The following TTL variants were observed in gnomAD, a reference collection of about 807,000 sequenced individuals.
TTL encodes the protein tubulin--tyrosine ligase.
TTL carries 10 observed loss-of-function variants against 41.1 expected under a neutral mutation model. That is an observed-to-expected ratio of 0.24 (90% confidence interval 0.15 to 0.41). The LOEUF is 0.41. Among genes scored for constraint, TTL ranks in the 10% least tolerant of loss-of-function variants. TTL has a pLI of 1.00. For missense variants in TTL, 367 were observed against 460.4 expected, an observed-to-expected ratio of 0.80 and a Z score of 1.86; for synonymous variants, 175 against 175.5, an observed-to-expected ratio of 1.00 and a Z score of 0.02.
intron 1 of TTL, 92 bp from the exon 2 acceptor site, chr2:112,485,825 A>G: frequency 8.5e-7 from 1 of 1,171,284 alleles, no homozygotes; most frequent in Non-Finnish European, 1.2e-6. Context: ...CAATCCTGAG[A>G]TGAGAGAGAG....
At chr2:112,516,256 A>G (rs62157526) in intron 5 of TTL, among the ~76,000 whole-genome samples, 25,238 of 152,022 alleles carry the variant, frequency 0.17, 2,356 homozygotes, top group East Asian at 0.3. Context: ...TTTATCTCTT[A>G]TATTTTAGAA....
chr2:112,527,623 T>A (rs1470702583), intron 6 of TTL, among the ~76,000 whole-genome samples: 1 of 152,210 alleles, frequency 6.6e-6, no homozygotes, highest in Non-Finnish European at 1.5e-5. Flanking sequence ...TATCAGAGAC[T>A]AGGATTGCAA....
rs76538742 is a variant in TTL, at chr2:112,533,153, A to T, written c.*4358A>T. The stretch of plus-strand genomic sequence containing the variant: ...CTTCTGTGGCTGCTTCCACTTCATA[A>T]ATATACCTCTGGCACAGAGGAGGTT... On this transcript the variant is annotated 3_prime_UTR_variant, in exon 7 of 7. Coordinates refer to ENST00000233336, the MANE Select transcript of TTL (RefSeq NM_153712.5). 6.6e-6 allele frequency: 1 copy of T among 152,146 alleles called. No individual in the cohort carries two copies. The highest frequency in any genetic ancestry group is 2.1e-4 in the South Asian group (1 of 4,828). 9.4% of individuals were successfully genotyped at this position (152,146 alleles called of 1,614,324 possible).
chr2:112,515,099 C>T (rs926210513), intron 5 of TTL, among the ~76,000 whole-genome samples: 4 of 152,010 alleles, frequency 2.6e-5, no homozygotes, highest in Non-Finnish European at 2.9e-5. Context: ...TTATAGTTGT[C>T]TTATGAAATT....
At chr2:112,496,476 C>A (rs1319526149) in intron 3 of TTL, among the ~76,000 whole-genome samples, 4 of 152,086 alleles carry the variant, frequency 2.6e-5, no homozygotes, top group African/African-American at 9.7e-5. Context: ...TGTCCACTGC[C>A]TATTTCTAAT....
chr2:112,533,641 T>C lies in TTL; in HGVS notation c.*4846T>C, dbSNP rs1485862890. On this transcript the variant is annotated 3_prime_UTR_variant, in exon 7 of 7. Transcript: ENST00000233336. Reference sequence around the variant, plus strand: ...ATCACATGGCAAGAGAGGAATGGAGTCTAACTCACCCTTTAACTAGCAACC... The same window carrying C: ...ATCACATGGCAAGAGAGGAATGGAGCCTAACTCACCCTTTAACTAGCAACC... The C allele has an allele frequency of 6.6e-6, 1 of 151,966 alleles. No homozygotes were observed. The highest frequency in any genetic ancestry group is 6.6e-5 in the Admixed American group (1 of 15,248). The allele number at this position is 151,966 out of a possible 1,614,324, so 9.4% of individuals were successfully genotyped here.
At chr2:112,512,084 A>ATTG (rs1388178155) in intron 5 of TTL, among the ~76,000 whole-genome samples, 1 of 151,206 alleles carries the variant, frequency 6.6e-6, no homozygotes, top group African/African-American at 2.4e-5. Context: ...ATTTGTATTT[A>ATTG]TTGTTATTAT....
chr2:112,525,399 A>G (rs997865535), intron 6 of TTL, among the ~76,000 whole-genome samples: 9 of 152,282 alleles, frequency 5.9e-5, no homozygotes, highest in African/African-American at 1.7e-4. Context: ...CCATTTTCAC[A>G]ACATTGATTC....
chr2:112,486,892 A>G (rs1299960491), intron 2 of TTL, among the ~76,000 whole-genome samples: 1 of 152,148 alleles, frequency 6.6e-6, no homozygotes, highest in Admixed American at 6.5e-5. Flanking sequence ...ATAACTACCT[A>G]AGGTTGTTAT....
chr2:112,520,887 C>T (rs1181588756), intron 6 of TTL, among the ~76,000 whole-genome samples: 1 of 152,162 alleles, frequency 6.6e-6, no homozygotes, highest in Non-Finnish European at 1.5e-5. Context: ...CACTGCATTG[C>T]AGCCTGGGCG....
rs1029068712 is a variant in TTL, at chr2:112,537,997, G to T, written c.*9202G>T. ...AAAACAAGTCTCAGTAAATTTAAAA[G>T]AATTGAAATTATACTACATATGTTC... On this transcript the variant is annotated 3_prime_UTR_variant, in exon 7 of 7. Transcript: ENST00000233336. The T allele has an allele frequency of 2.0e-5, 3 of 152,148 alleles. No homozygotes were observed. Among genetic ancestry groups the T allele is most frequent in the African/African-American group, 7.2e-5 (3 of 41,434 alleles). The allele number at this position is 152,148 out of a possible 1,614,324, so 9.4% of individuals were successfully genotyped here. A position where few individuals can be genotyped will look rare whatever the true frequency, so the allele number is the denominator to read the frequency against.
chr2:112,531,703 T>C lies in TTL; in HGVS notation c.*2908T>C. On this transcript the variant is annotated 3_prime_UTR_variant, in exon 7 of 7. Coordinates refer to ENST00000233336, the MANE Select transcript of TTL (RefSeq NM_153712.5). ...CTTATGACTTAAAAAAAAAAATTCT[T>C]TTTGGAAACACAAGCATTTCTTTAA... 4.5e-6 allele frequency: 1 copy of C among 223,492 alleles called. No homozygotes were observed. The highest frequency in any genetic ancestry group is 8.9e-6 in the Non-Finnish European group (1 of 111,976). 13.8% of individuals were successfully genotyped at this position (223,492 alleles called of 1,614,324 possible).
chr2:112,495,598 A>G (rs968745336), intron 3 of TTL, among the ~76,000 whole-genome samples: 1 of 152,208 alleles, frequency 6.6e-6, no homozygotes, highest in Admixed American at 6.5e-5. Flanking sequence ...CTGTAACCCC[A>G]TCGCTTTGGG....
chr2:112,535,876 C>G lies in TTL; in HGVS notation c.*7081C>G, dbSNP rs2104486347. The stretch of plus-strand genomic sequence containing the variant: ...TTGGAGTCTAGTGGTGTAATGATAG[C>G]TCACTGCAGCCTCAAACTTCTGGTT... On this transcript the variant is annotated 3_prime_UTR_variant, in exon 7 of 7. Coordinates refer to ENST00000233336, the MANE Select transcript of TTL (RefSeq NM_153712.5). 6.6e-6 allele frequency: 1 copy of G among 152,236 alleles called. No homozygotes were observed. Among genetic ancestry groups the G allele is most frequent in the Middle Eastern group, 3.4e-3 (1 of 294 alleles). The allele number at this position is 152,236 out of a possible 1,614,324, so 9.4% of individuals were successfully genotyped here.
rs903465293 is a variant in TTL, at chr2:112,539,677, C to G, written c.*10882C>G. ...ATTGTATTAAATGTTCTAGACAGAG[C>G]AATTCGACAAAAGGAAGGAAAGAAG... On this transcript the variant is annotated 3_prime_UTR_variant, in exon 7 of 7. Coordinates refer to ENST00000233336, the MANE Select transcript of TTL (RefSeq NM_153712.5). The G allele has an allele frequency of 9.9e-5, 15 of 152,090 alleles. No homozygotes were observed. The highest frequency in any genetic ancestry group is 3.6e-4 in the African/African-American group (15 of 41,406). The allele number at this position is 152,090 out of a possible 1,614,324, so 9.4% of individuals were successfully genotyped here. A position where few individuals can be genotyped will look rare whatever the true frequency, so the allele number is the denominator to read the frequency against.
intron 5 of TTL, among the ~76,000 whole-genome samples, chr2:112,509,521 G>T (rs1404527165): frequency 6.6e-6 from 1 of 152,174 alleles, no homozygotes; most frequent in Non-Finnish European, 1.5e-5. Flanking sequence ...CTCATGGTGC[G>T]CCGTTTCTTA....
intron 5 of TTL, among the ~76,000 whole-genome samples, chr2:112,511,678 C>T (rs1474073396): frequency 6.6e-6 from 1 of 151,958 alleles, no homozygotes. Flanking sequence ...CATCCTCCCA[C>T]CTCAGCCTCC....
intron 6 of TTL, 106 bp from the exon 7 acceptor site, chr2:112,528,575 A>G (rs1216193853): frequency 1.1e-5 from 10 of 885,722 alleles, no homozygotes; most frequent in Admixed American, 1.1e-4. Context: ...CTGCATGCCA[A>G]CTTGGGAGAC....
chr2:112,485,766 C>G, intron 1 of TTL, 151 bp from the exon 2 acceptor site: 2 of 690,660 alleles, frequency 2.9e-6, no homozygotes, highest in Non-Finnish European at 5.0e-6. Context: ...GAAAGAGGGT[C>G]CCTGGGGACA....
Sources: gnomAD v4.1 joint callset for allele counts (sites outside exome capture counted in the v4.1 genomes callset) on GRCh38, gnomAD v4.1.1 for gene constraint, MANE v1.5 for transcripts, NCBI Gene and HGNC (gene_info 2026-07-23, HGNC 2026-07-21) for gene names.